GABRG1: variants seen among roughly 807,000 people sequenced by gnomAD.
The protein encoded by GABRG1 is gamma-aminobutyric acid type A receptor subunit gamma1, also known as gamma-aminobutyric acid receptor subunit gamma-1.
A neutral mutation model predicts 49.8 loss-of-function variants in GABRG1; 49 were observed. That is an observed-to-expected ratio of 0.98 (90% CI 0.78 to 1.25). The LOEUF is 1.25. Among genes scored for constraint, GABRG1 ranks in the 50% most tolerant of loss-of-function variants. The pLI is 0.00. For missense variants in GABRG1, 552 were observed against 552.3 expected (o/e 1.00, Z 0.01); for synonymous variants, 232 against 185.1 (o/e 1.25, Z -2.06).
chr4:46,120,459 A>C (rs376307032), intron 1 of GABRG1, among the ~76,000 whole-genome samples: 4 of 151,750 alleles, frequency 2.6e-5, no homozygotes, highest in African/African-American at 9.7e-5. Flanking sequence ...GTTTGGATAA[A>C]CTAAAAGACT....
intron 3 of GABRG1, among the ~76,000 whole-genome samples, chr4:46,071,649 A>G (rs1400425928): frequency 6.6e-6 from 1 of 151,652 alleles, no homozygotes; most frequent in Non-Finnish European, 1.5e-5. Flanking sequence ...GTGGAGGTGG[A>G]GGACAGTAAT....
intron 5 of GABRG1, among the ~76,000 whole-genome samples, chr4:46,063,409 G>C (rs138308668): frequency 0.035 from 5,266 of 152,160 alleles, 128 homozygotes; most frequent in Non-Finnish European, 0.051. Context: ...AGAAAAACAA[G>C]CAATGGGGAA....
At chr4:46,096,696 A>G (rs1173026088) in intron 2 of GABRG1, among the ~76,000 whole-genome samples, 2 of 150,954 alleles carry the variant, frequency 1.3e-5, no homozygotes, top group Non-Finnish European at 3.0e-5. Context: ...GTAACCAAAA[A>G]AAGTGTCCTT....
chr4:46,111,275 A>G (rs891858831), intron 1 of GABRG1, among the ~76,000 whole-genome samples: 1 of 151,034 alleles, frequency 6.6e-6, no homozygotes, highest in African/African-American at 2.4e-5. Context: ...ACCTAGGAAA[A>G]CATGTAACCA....
At chr4:46,112,187 A>C (rs1171060368) in intron 1 of GABRG1, among the ~76,000 whole-genome samples, 1 of 151,540 alleles carries the variant, frequency 6.6e-6, no homozygotes, top group South Asian at 2.1e-4. Context: ...ATACATGAAC[A>C]GACATTTTTC....
intron 1 of GABRG1, among the ~76,000 whole-genome samples, chr4:46,120,081 G>T (rs1721050292): frequency 6.6e-6 from 1 of 151,664 alleles, no homozygotes; most frequent in South Asian, 2.1e-4. Flanking sequence ...TCTGCCTCAA[G>T]GAGTTGTCTG....
chr4:46,060,273 G>A (rs986496276), intron 5 of GABRG1, among the ~76,000 whole-genome samples: 2 of 152,042 alleles, frequency 1.3e-5, no homozygotes, highest in African/African-American at 4.8e-5. Context: ...GTGTGTGTGT[G>A]TGTGTGTGTT....
chr4:46,109,640 GC>G (rs1413338000), intron 1 of GABRG1, among the ~76,000 whole-genome samples: 1 of 150,846 alleles, frequency 6.6e-6, no homozygotes, highest in Non-Finnish European at 1.5e-5. Flanking sequence ...ACCTTTTCAG[GC>G]CCACAGTTAG....
intron 6 of GABRG1, 46 bp downstream of exon 6, chr4:46,058,439 G>A (rs770517873): frequency 6.3e-7 from 1 of 1,596,914 alleles, no homozygotes; most frequent in Non-Finnish European, 8.5e-7. Context: ...AAATAAAAAT[G>A]TCATTTAATG....
Position 46,097,288 on chromosome 4 carries a change from C to T in GABRG1, c.166G>A (p.Ala56Thr), listed in dbSNP as rs925176915. The T allele has an allele frequency of 6.8e-6, 11 of 1,610,822 alleles. No homozygotes were observed. In the East Asian group the frequency reaches 2.0e-4, roughly 29 times the overall value. ...DLTVNKTWVL[A>T]PKIHEGDITQ... The stretch of plus-strand genomic sequence containing the variant: ...ATATCTCCTTCATGAATTTTTGGGG[C>T]CAAGACCCAGGTTTTGTTCACCGTT... Residue 56 changes from alanine to threonine, a missense_variant, in exon 2 of 9, where the codon GCC becomes ACC. Transcript: ENST00000295452.
At chr4:46,076,182 G>A (rs1577649971) in intron 3 of GABRG1, among the ~76,000 whole-genome samples, 1 of 151,562 alleles carries the variant, frequency 6.6e-6, no homozygotes, top group Non-Finnish European at 1.5e-5. Flanking sequence ...TTTCTAAACA[G>A]TAGCTCTTTA....
chr4:46,052,079 C>G lies in GABRG1; in HGVS notation c.917-441G>C, dbSNP rs1718246108. Reference sequence around the variant, plus strand: ...ACAAGGAATGCCCTTCTTTCCTTCTCATTGCCTTCTGCTGGAATACAATGG... The same window carrying G: ...ACAAGGAATGCCCTTCTTTCCTTCTGATTGCCTTCTGCTGGAATACAATGG... On this transcript the variant is annotated intron_variant, in intron 7 of 8. Transcript: ENST00000295452. Among the ~76,000 whole-genome samples the G allele has an allele frequency of 2.0e-5, 3 of 151,822 alleles. No individual in the cohort carries two copies. The South Asian group carries it at 6.2e-4, about 31-fold the overall frequency.
At chr4:46,110,090 A>G (rs912532750) in intron 1 of GABRG1, among the ~76,000 whole-genome samples, 3 of 150,978 alleles carry the variant, frequency 2.0e-5, no homozygotes, top group Non-Finnish European at 3.0e-5. Context: ...TTCTCCTTCA[A>G]TCTTGCTAAT....
intron 3 of GABRG1, among the ~76,000 whole-genome samples, chr4:46,082,601 C>A (rs1221587612): frequency 1.3e-5 from 2 of 151,762 alleles, no homozygotes; most frequent in South Asian, 4.1e-4. Flanking sequence ...ACCATTCCAA[C>A]TGAATTTCTC....
chr4:46,053,428 A>G (rs1460543504), intron 7 of GABRG1, among the ~76,000 whole-genome samples: 1 of 131,304 alleles, frequency 7.6e-6, no homozygotes, highest in Non-Finnish European at 1.6e-5. Context: ...GAATGAGAAA[A>G]CAGTATGGTT....
intron 1 of GABRG1, among the ~76,000 whole-genome samples, chr4:46,100,253 T>C (rs532847958): frequency 6.6e-6 from 1 of 151,740 alleles, no homozygotes; most frequent in South Asian, 2.1e-4. Flanking sequence ...TTCTCATTTA[T>C]AAGTTGGAGC....
chr4:46,039,397 G>T lies in GABRG1; in HGVS notation c.*1591C>A, dbSNP rs1560344288. 1 of 151,216 alleles carries T rather than the reference G, an allele frequency of 6.6e-6. No homozygotes were observed. Among genetic ancestry groups the T allele is most frequent in the Non-Finnish European group, 1.5e-5 (1 of 67,616 alleles). 9.4% of individuals were successfully genotyped at this position (151,216 alleles called of 1,614,324 possible). On this transcript the variant is annotated 3_prime_UTR_variant, in exon 9 of 9. Transcript: ENST00000295452. ...AATTAATTAAAAATTTAAAAAACTAGATATTTCCAATACACGTGTATAATC... is the reference window on the plus strand; with the variant it reads ...AATTAATTAAAAATTTAAAAAACTATATATTTCCAATACACGTGTATAATC...
chr4:46,088,320 T>C (rs1463132151), intron 2 of GABRG1, among the ~76,000 whole-genome samples: 1 of 152,078 alleles, frequency 6.6e-6, no homozygotes, highest in African/African-American at 2.4e-5. Context: ...CTAGCATTCA[T>C]ATAGGTAAAA....
intron 3 of GABRG1, among the ~76,000 whole-genome samples, chr4:46,070,160 C>T (rs1296821990): frequency 3.3e-5 from 5 of 151,936 alleles, no homozygotes; most frequent in Admixed American, 2.0e-4. Context: ...TTACCAATTT[C>T]CAATGATTGA....
Sources: allele counts gnomAD v4.1 joint callset (sites outside exome capture counted in the v4.1 genomes callset), GRCh38; gene constraint gnomAD v4.1.1; transcripts MANE v1.5; gene names NCBI Gene and HGNC (gene_info 2026-07-23, HGNC 2026-07-21).